The following SUPT3H variants were observed in gnomAD, a reference collection of about 807,000 sequenced individuals.
The protein encoded by SUPT3H is SPT3 homolog, SAGA and STAGA complex component, also known as transcription initiation protein SPT3 homolog.
Under a neutral mutation model 44.3 loss-of-function variants are expected in SUPT3H, and 44 were observed. The ratio of observed to expected loss-of-function variants is 0.99; its 90% CI spans 0.78 to 1.28. The LOEUF is 1.28. Among genes scored for constraint, SUPT3H ranks in the 50% most tolerant of loss-of-function variants. The probability of loss-of-function intolerance (pLI) is 0.00; values close to 1 mark genes in which losing one functional copy is unlikely to be tolerated. For missense variants in SUPT3H, 380 were observed against 387.1 expected (o/e 0.98, Z 0.15); for synonymous variants, 124 against 125.6 (o/e 0.99, Z 0.09).
At chr6:45,376,132 GCT>G (rs1175413559) in intron 1 of SUPT3H, among the ~76,000 whole-genome samples, 1 of 152,222 alleles carries the variant, frequency 6.6e-6, no homozygotes, top group Non-Finnish European at 1.5e-5. Context: ...TACTGTCATA[GCT>G]CTCTGAATCT....
intron 2 of SUPT3H, among the ~76,000 whole-genome samples, chr6:45,208,774 T>TCTA (rs1287556277): frequency 6.6e-6 from 1 of 151,664 alleles, no homozygotes; most frequent in East Asian, 1.9e-4. Context: ...AAAACAACCT[T>TCTA]CTACTGGAAG....
intron 6 of SUPT3H, among the ~76,000 whole-genome samples, chr6:44,976,662 C>A (rs994505282): frequency 1.3e-5 from 2 of 152,148 alleles, no homozygotes; most frequent in African/African-American, 4.8e-5. Context: ...TGCGCCCGGC[C>A]ATATTTTGAA....
chr6:44,921,686 GT>G (rs1422743923), intron 10 of SUPT3H, among the ~76,000 whole-genome samples: 1 of 152,102 alleles, frequency 6.6e-6, no homozygotes, highest in Non-Finnish European at 1.5e-5. Context: ...TTGAATACAG[GT>G]ATGGGTTTTT....
chr6:45,360,698 T>C (rs1010492216), intron 2 of SUPT3H, among the ~76,000 whole-genome samples: 1 of 152,156 alleles, frequency 6.6e-6, no homozygotes, highest in Non-Finnish European at 1.5e-5. Flanking sequence ...CCAAACACTC[T>C]CAGGAGAAGA....
chr6:45,329,591 A>G (rs2150071496), intron 2 of SUPT3H, among the ~76,000 whole-genome samples: 1 of 152,044 alleles, frequency 6.6e-6, no homozygotes, highest in African/African-American at 2.4e-5. Context: ...TCTTTTAATC[A>G]CATTCTTGGA....
chr6:45,065,019 AC>A (rs1451725314), intron 3 of SUPT3H, among the ~76,000 whole-genome samples: 4 of 151,140 alleles, frequency 2.6e-5, no homozygotes, highest in African/African-American at 7.3e-5. Context: ...TTTTTTCAGC[AC>A]CACACCACAC....
chr6:45,022,771 T>C (rs1404184731), intron 3 of SUPT3H, among the ~76,000 whole-genome samples: 1 of 152,008 alleles, frequency 6.6e-6, no homozygotes, highest in Non-Finnish European at 1.5e-5. Flanking sequence ...TATTAGCTAA[T>C]TAAAGTAACT....
At chr6:45,134,136 T>G (rs1803906612) in intron 2 of SUPT3H, among the ~76,000 whole-genome samples, 2 of 152,284 alleles carry the variant, frequency 1.3e-5, no homozygotes, top group East Asian at 1.9e-4. Context: ...GTCAAGTGAT[T>G]GGCATCTGGT....
intron 10 of SUPT3H, among the ~76,000 whole-genome samples, chr6:44,833,424 A>G (rs949660443): frequency 1.2e-4 from 18 of 152,272 alleles, no homozygotes; most frequent in African/African-American, 4.1e-4. Context: ...TTCCAGTTTC[A>G]CATTCAAGTT....
At chr6:44,876,875 C>T (rs1321943892) in intron 10 of SUPT3H, among the ~76,000 whole-genome samples, 1 of 140,004 alleles carries the variant, frequency 7.1e-6, no homozygotes, top group African/African-American at 2.6e-5. Flanking sequence ...AAGTGTATGA[C>T]ATTGTATGAA....
chr6:44,882,308 A>G (rs1026385160), intron 10 of SUPT3H, among the ~76,000 whole-genome samples: 2 of 152,326 alleles, frequency 1.3e-5, no homozygotes, highest in South Asian at 4.1e-4. Flanking sequence ...ATTGCTGGAC[A>G]CATACACCCT....
chr6:44,830,708 T>C (rs1768505256), intron 10 of SUPT3H, among the ~76,000 whole-genome samples: 1 of 152,060 alleles, frequency 6.6e-6, no homozygotes, highest in African/African-American at 2.4e-5. Flanking sequence ...GGCACATTTT[T>C]AATCATTTAA....
intron 10 of SUPT3H, among the ~76,000 whole-genome samples, chr6:44,928,418 G>A (rs571734798): frequency 1.3e-5 from 2 of 152,178 alleles, no homozygotes; most frequent in South Asian, 4.2e-4. Context: ...GGTACGGTGG[G>A]CACAGTTGCA....
intron 10 of SUPT3H, among the ~76,000 whole-genome samples, chr6:44,925,686 T>TCTGA (rs1470978050): frequency 2.0e-5 from 3 of 152,152 alleles, no homozygotes; most frequent in Admixed American, 1.3e-4. Context: ...ATAAAACATG[T>TCTGA]CTGACCACCT....
chr6:45,192,758 G>A (rs1815352548), intron 2 of SUPT3H, among the ~76,000 whole-genome samples: 1 of 152,090 alleles, frequency 6.6e-6, no homozygotes, highest in Admixed American at 6.6e-5. Context: ...CATTGATTAT[G>A]ACTCATCACA....
chr6:45,137,548 T>C (rs1804505516), intron 2 of SUPT3H, among the ~76,000 whole-genome samples: 1 of 151,910 alleles, frequency 6.6e-6, no homozygotes, highest in Admixed American at 6.6e-5. Context: ...AGAATATATA[T>C]TAGAATAATA....
intron 2 of SUPT3H, among the ~76,000 whole-genome samples, chr6:45,330,715 G>A (rs1787301025): frequency 6.6e-6 from 1 of 151,724 alleles, no homozygotes; most frequent in African/African-American, 2.4e-5. Flanking sequence ...GCATGGTAGT[G>A]AACCTTTTTT....
At chr6:45,217,362 C>CACTT (rs1765229678) in intron 2 of SUPT3H, among the ~76,000 whole-genome samples, 1 of 151,896 alleles carries the variant, frequency 6.6e-6, no homozygotes, top group Non-Finnish European at 1.5e-5. Flanking sequence ...GTAATCCCAG[C>CACTT]TACTCAGGAG....
intron 2 of SUPT3H, among the ~76,000 whole-genome samples, chr6:45,176,520 G>A (rs1461888361): frequency 6.6e-6 from 1 of 152,074 alleles, no homozygotes; most frequent in Non-Finnish European, 1.5e-5. Flanking sequence ...CATTGCCCAG[G>A]CTTGCTTAGG....
Sources: allele counts gnomAD v4.1 joint callset (sites outside exome capture counted in the v4.1 genomes callset), GRCh38; gene constraint gnomAD v4.1.1; transcripts MANE v1.5; gene names NCBI Gene and HGNC (gene_info 2026-07-23, HGNC 2026-07-21).